HAAO: variants seen among roughly 807,000 people sequenced by gnomAD.
The protein encoded by HAAO is 3-hydroxyanthranilate oxygenase.
Under a neutral mutation model 46.2 loss-of-function variants are expected in HAAO, and 49 were observed. The observed-to-expected ratio is 1.06, with a 90% CI of 0.84 to 1.34. The LOEUF (loss-of-function observed/expected upper bound fraction) is 1.34. Among genes scored for constraint, HAAO ranks in the 40% most tolerant of loss-of-function variants. HAAO has a pLI of 0.00. For missense variants in HAAO, 408 were observed against 364.5 expected, an observed-to-expected ratio of 1.12 and a Z score of -0.97; for synonymous variants, 157 against 145.2, an observed-to-expected ratio of 1.08 and a Z score of -0.58.
At chr2:42,768,015 CTTGGAGCAGGG>C in intron 7 of HAAO, 87 bp from the exon 8 acceptor site, 1 of 1,198,028 alleles carries the variant, frequency 8.3e-7, no homozygotes, top group South Asian at 1.2e-5. Flanking sequence ...ACCAGGCCTG[CTTGGAGCAGGG>C]TTGGGGCCCA....
At chr2:42,770,398 T>C (rs1272920268) in intron 5 of HAAO, 95 bp downstream of exon 5, 1 of 1,036,548 alleles carries the variant, frequency 9.6e-7, no homozygotes, top group Non-Finnish European at 1.4e-6. Context: ...TGGGCCAGGA[T>C]CTCCACCCTG....
At chr2:42,787,943 G>T (rs1016450311) in intron 2 of HAAO, among the ~76,000 whole-genome samples, 1 of 152,006 alleles carries the variant, frequency 6.6e-6, no homozygotes, top group African/African-American at 2.4e-5. Flanking sequence ...CCTCCCACCT[G>T]CCCCAGCCAC....
chr2:42,774,615 G>C (rs1475987202), intron 4 of HAAO, among the ~76,000 whole-genome samples: 1 of 152,024 alleles, frequency 6.6e-6, no homozygotes, highest in Non-Finnish European at 1.5e-5. Context: ...TTTTTTTCCT[G>C]CTTCTAGGAT....
At chr2:42,771,387 G>A (rs980483115) in intron 4 of HAAO, among the ~76,000 whole-genome samples, 5 of 150,398 alleles carry the variant, frequency 3.3e-5, no homozygotes, top group Admixed American at 2.7e-4. Flanking sequence ...AGATTGCACC[G>A]CCGCATTCCA....
intron 8 of HAAO, 52 bp downstream of exon 8, chr2:42,767,808 C>A (rs893833993): frequency 8.8e-6 from 14 of 1,586,106 alleles, no homozygotes; most frequent in African/African-American, 1.3e-5. Context: ...GAGGAGCGGG[C>A]TGATGCCCTC....
chr2:42,769,961 G>C (rs545012208), intron 6 of HAAO, 103 bp from the exon 7 acceptor site: 28 of 1,300,598 alleles, frequency 2.2e-5, no homozygotes, highest in Middle Eastern at 2.5e-4. Context: ...GCCAGAACAG[G>C]CTCTGTATCC....
chr2:42,782,872 G>A (rs1045826496), intron 4 of HAAO: 2 of 461,164 alleles, frequency 4.3e-6, no homozygotes, highest in Middle Eastern at 6.5e-4. Flanking sequence ...ATTGATCGGT[G>A]TCTCATGTCT....
At chr2:42,775,244 TG>T (rs1376013403) in intron 4 of HAAO, among the ~76,000 whole-genome samples, 3 of 85,890 alleles carry the variant, frequency 3.5e-5, no homozygotes, top group Non-Finnish European at 6.0e-5. Context: ...AAGACTGTCA[TG>T]GAAAAAAAAA....
chr2:42,770,455 C>T, intron 5 of HAAO, 38 bp downstream of exon 5: 1 of 1,405,594 alleles, frequency 7.1e-7, no homozygotes, highest in Non-Finnish European at 9.8e-7. Context: ...TGCAGAGCCC[C>T]AGGAAAGCAA....
At chr2:42,770,111 G>T in intron 6 of HAAO, 32 bp downstream of exon 6, 1 of 1,591,538 alleles carries the variant, frequency 6.3e-7, no homozygotes, top group Non-Finnish European at 8.6e-7. Context: ...GGGGAGGGAG[G>T]GAAGGAGAAG....
intron 4 of HAAO, among the ~76,000 whole-genome samples, chr2:42,772,199 G>A (rs989741783): frequency 2.6e-5 from 4 of 152,054 alleles, no homozygotes; most frequent in Non-Finnish European, 5.9e-5. Flanking sequence ...AGAAATACTC[G>A]GCCGAATGTG....
intron 4 of HAAO, among the ~76,000 whole-genome samples, chr2:42,777,530 G>C (rs891670075): frequency 3.3e-5 from 5 of 152,118 alleles, no homozygotes; most frequent in African/African-American, 1.2e-4. Flanking sequence ...TGAACAAGGA[G>C]AGCTTGGAGG....
rs1007662096 is a variant in HAAO, at chr2:42,789,933, C to T, written c.81-1326G>A. The stretch of plus-strand genomic sequence containing the variant: ...AGGGCTTCAGGGTGTTCTCAGGTGG[C>T]CCTGCCACAGAGGGCAGGGGCAAGG... On this transcript the variant is annotated intron_variant, in intron 1 of 9. Transcript: ENST00000294973. Among the ~76,000 whole-genome samples the T allele has an allele frequency of 1.1e-4, 17 of 152,310 alleles. 2 individuals are homozygous for T. The East Asian group carries it at 3.3e-3, about 29-fold the overall frequency.
At chr2:42,781,993 A>G (rs1672035716) in intron 4 of HAAO, among the ~76,000 whole-genome samples, 1 of 152,188 alleles carries the variant, frequency 6.6e-6, no homozygotes, top group Non-Finnish European at 1.5e-5. Flanking sequence ...AGAGAGAAAA[A>G]TTATGTTTTG....
chr2:42,779,072 C>A (rs1671798692), intron 4 of HAAO, among the ~76,000 whole-genome samples: 1 of 152,056 alleles, frequency 6.6e-6, no homozygotes. Flanking sequence ...GAGATCACAC[C>A]ATTGCACTCC....
At chr2:42,774,409 G>A (rs1236412189) in intron 4 of HAAO, among the ~76,000 whole-genome samples, 1 of 152,146 alleles carries the variant, frequency 6.6e-6, no homozygotes, top group Admixed American at 6.5e-5. Flanking sequence ...CTGAGGTGTG[G>A]GAGCACCCCC....
At chr2:42,778,157 CAA>C (rs1234933593) in intron 4 of HAAO, among the ~76,000 whole-genome samples, 3 of 148,770 alleles carry the variant, frequency 2.0e-5, no homozygotes, top group African/African-American at 7.5e-5. Context: ...TTTATATGAT[CAA>C]GTTATCACAT....
intron 4 of HAAO, 142 bp downstream of exon 4, chr2:42,783,172 C>A (rs1411966755): frequency 3.3e-6 from 2 of 613,786 alleles, no homozygotes; most frequent in Non-Finnish European, 5.9e-6. Flanking sequence ...TCTCCACTGC[C>A]TCTGCTGTGA....
intron 4 of HAAO, among the ~76,000 whole-genome samples, chr2:42,776,677 G>A (rs1671601718): frequency 6.8e-6 from 1 of 147,722 alleles, no homozygotes; most frequent in African/African-American, 2.5e-5. Flanking sequence ...CTGTCACTCA[G>A]GCTGGAGTGC....
Sources: allele counts gnomAD v4.1 joint callset (sites outside exome capture counted in the v4.1 genomes callset), GRCh38; gene constraint gnomAD v4.1.1; transcripts MANE v1.5; gene names NCBI Gene and HGNC (gene_info 2026-07-23, HGNC 2026-07-21).